RNF144A: variants seen among roughly 807,000 people sequenced by gnomAD.
RNF144A encodes ring finger protein 144A, also known as E3 ubiquitin-protein ligase RNF144A.
Under a neutral mutation model 38.7 loss-of-function variants are expected in RNF144A, and 11 were observed. That is an observed-to-expected ratio of 0.28 (90% confidence interval 0.18 to 0.47). The LOEUF (loss-of-function observed/expected upper bound fraction) is 0.47, where lower values mean the gene tolerates loss of function less well. RNF144A is among the 20% of genes least tolerant of loss of function. The pLI is 0.99. For missense variants in RNF144A, 316 were observed against 377.2 expected, an observed-to-expected ratio of 0.84 and a Z score of 1.34; for synonymous variants, 149 against 143.9, an observed-to-expected ratio of 1.04 and a Z score of -0.25.
intron 8 of RNF144A, among the ~76,000 whole-genome samples, chr2:7,036,383 G>C (rs895364427): frequency 6.6e-6 from 1 of 152,186 alleles, no homozygotes; most frequent in African/African-American, 2.4e-5. Flanking sequence ...GCTGATTACT[G>C]ATCTTCTGTA....
At chr2:6,951,284 T>A (rs1345970846) in intron 2 of RNF144A, among the ~76,000 whole-genome samples, 1 of 152,172 alleles carries the variant, frequency 6.6e-6, no homozygotes, top group Non-Finnish European at 1.5e-5. Context: ...CATGTTTTTT[T>A]TTTTTTCTCT....
intron 2 of RNF144A, among the ~76,000 whole-genome samples, chr2:6,991,710 A>C (rs751101321): frequency 3.9e-5 from 6 of 152,206 alleles, no homozygotes; most frequent in Non-Finnish European, 8.8e-5. Context: ...ATGAAGTAGT[A>C]TATGCAAATG....
intron 6 of RNF144A, among the ~76,000 whole-genome samples, chr2:7,058,469 A>G (rs1296807380): frequency 6.6e-6 from 1 of 152,194 alleles, no homozygotes; most frequent in African/African-American, 2.4e-5. Flanking sequence ...AACTATCATC[A>G]AATTGTGGCC....
chr2:6,997,797 A>G (rs1443846328), intron 3 of RNF144A, among the ~76,000 whole-genome samples: 1 of 152,178 alleles, frequency 6.6e-6, no homozygotes, highest in East Asian at 1.9e-4. Flanking sequence ...TCTGCAGGGA[A>G]TGGGGAGATG....
At chr2:6,970,577 C>G (rs185548116) in intron 2 of RNF144A, among the ~76,000 whole-genome samples, 1 of 152,342 alleles carries the variant, frequency 6.6e-6, no homozygotes, top group African/African-American at 2.4e-5. Context: ...CAAAACACTT[C>G]TGTCCCAAGC....
chr2:6,930,270 G>A (rs1023195380), intron 1 of RNF144A, among the ~76,000 whole-genome samples: 4 of 152,186 alleles, frequency 2.6e-5, no homozygotes, highest in Non-Finnish European at 4.4e-5. Flanking sequence ...GAAAACAATG[G>A]TGAGGCAGAA....
chr2:7,067,429 A>G (rs1674278585), intron 6 of RNF144A, among the ~76,000 whole-genome samples: 1 of 152,240 alleles, frequency 6.6e-6, no homozygotes, highest in African/African-American at 2.4e-5. Flanking sequence ...AGGTCTATCA[A>G]CTTGCCACTG....
At chr2:7,030,654 T>C (rs1281782605) in intron 8 of RNF144A, among the ~76,000 whole-genome samples, 4 of 152,114 alleles carry the variant, frequency 2.6e-5, no homozygotes, top group African/African-American at 7.2e-5. Context: ...CCGAGGTCAG[T>C]GGTCCCCAAC....
intron 2 of RNF144A, among the ~76,000 whole-genome samples, chr2:6,980,949 C>T (rs1279588750): frequency 6.6e-6 from 1 of 152,234 alleles, no homozygotes; most frequent in African/African-American, 2.4e-5. Context: ...GGCCCAATAC[C>T]ACGTGGAAGG....
intron 2 of RNF144A, among the ~76,000 whole-genome samples, chr2:6,985,270 C>CTT (rs748540904): frequency 9.4e-4 from 98 of 104,662 alleles, no homozygotes; most frequent in South Asian, 3.2e-3. Flanking sequence ...CCTCCCCCCT[C>CTT]TTTTTTTTTT....
rs188247790 is a variant in RNF144A, at chr2:6,943,724, G to T, written c.-12+2577G>T. Among the ~76,000 whole-genome samples the T allele has an allele frequency of 3.2e-4, 48 of 152,156 alleles. 1 individual carries two copies. The highest frequency in any genetic ancestry group is 5.2e-4 in the Admixed American group (8 of 15,286). ...CCAAATGACAGATACATGCGTGGGT[G>T]GTGCTCGGAGGAGGAGGCTCTGCAG... is the stretch of plus-strand genomic sequence containing the variant. On this transcript the variant is annotated intron_variant, in intron 2 of 8. Transcript: ENST00000320892. This position sits in a 1 kb window ranked among gnomAD's most constrained non-coding sequence, Gnocchi z 4.3.
chr2:6,951,394 A>G (rs1049132559), intron 2 of RNF144A, among the ~76,000 whole-genome samples: 1 of 151,960 alleles, frequency 6.6e-6, no homozygotes, highest in Non-Finnish European at 1.5e-5. Flanking sequence ...TTGGCTTCCA[A>G]CCTTTTCCCT....
At chr2:7,059,983 T>G (rs1673890070) in intron 6 of RNF144A, among the ~76,000 whole-genome samples, 1 of 152,226 alleles carries the variant, frequency 6.6e-6, no homozygotes, top group African/African-American at 2.4e-5. Flanking sequence ...CTGTTTATAC[T>G]TACAGTCTTA....
At chr2:6,979,491 C>T (rs937490487) in intron 2 of RNF144A, among the ~76,000 whole-genome samples, 1 of 152,118 alleles carries the variant, frequency 6.6e-6, no homozygotes, top group African/African-American at 2.4e-5. Context: ...TGTGATGAAA[C>T]AGACATTCTT....
intron 1 of RNF144A, among the ~76,000 whole-genome samples, chr2:6,928,169 G>A (rs1169262063): frequency 6.6e-6 from 1 of 152,218 alleles, no homozygotes; most frequent in Non-Finnish European, 1.5e-5. Context: ...GCTCAACTCT[G>A]TTCAGTCTCA....
chr2:6,972,893 T>C (rs1446107621), intron 2 of RNF144A, among the ~76,000 whole-genome samples: 1 of 152,210 alleles, frequency 6.6e-6, no homozygotes, highest in Non-Finnish European at 1.5e-5. Flanking sequence ...GTTATAATAA[T>C]GGTAGACACC....
In RNF144A at chr2:7,041,648, T is replaced by C; in HGVS notation, c.*1888T>C. The C allele has an allele frequency of 2.0e-6, 2 of 985,610 alleles. No individual in the cohort carries two copies. The highest frequency in any genetic ancestry group is 2.4e-6 in the Non-Finnish European group (2 of 829,978). 61.1% of individuals were successfully genotyped at this position (985,610 alleles called of 1,614,324 possible). A position where few individuals can be genotyped will look rare whatever the true frequency, so the allele number is the denominator to read the frequency against. ...GGGCTTGAGCCCTCAGCCTGTGATATGTGGATGCAGCTGTCCAGCCACTGC... is the reference window on the plus strand; with the variant it reads ...GGGCTTGAGCCCTCAGCCTGTGATACGTGGATGCAGCTGTCCAGCCACTGC... On this transcript the variant is annotated 3_prime_UTR_variant, in exon 9 of 9. Transcript: ENST00000320892.
chr2:6,985,857 G>A (rs574359849), intron 2 of RNF144A, among the ~76,000 whole-genome samples: 47 of 152,234 alleles, frequency 3.1e-4, no homozygotes, highest in African/African-American at 1.1e-3. Flanking sequence ...TGTATTTTTA[G>A]TAGAGGCGGG....
At chr2:7,069,167 G>T (rs1012253365), downstream of RNF144A, among the ~76,000 whole-genome samples, 1 of 152,134 alleles carries the variant, frequency 6.6e-6, no homozygotes, top group Non-Finnish European at 1.5e-5. Flanking sequence ...TAGCTGTGTG[G>T]GAGGCTAACT....
Sources: gnomAD v4.1 joint callset for allele counts (sites outside exome capture counted in the v4.1 genomes callset) on GRCh38, gnomAD v4.1.1 for gene constraint, Gnocchi (gnomAD v3.1) non-coding constraint, MANE v1.5 for transcripts, NCBI Gene and HGNC (gene_info 2026-07-23, HGNC 2026-07-21) for gene names.